Variants in NDEL1 observed in about 807,000 individuals in gnomAD.
The protein encoded by NDEL1 is nudE neurodevelopment protein 1 like 1.
A neutral mutation model predicts 45.7 loss-of-function variants in NDEL1; 9 were observed. The observed-to-expected ratio is 0.20, with a 90% CI of 0.12 to 0.34. The LOEUF is 0.34. Among genes scored for constraint, NDEL1 ranks in the 10% least tolerant of loss-of-function variants. NDEL1 has a pLI of 1.00. For synonymous variants in NDEL1, 133 were observed against 158.6 expected (o/e 0.84, Z 1.21); for missense variants, 306 against 406.2 (o/e 0.75, Z 2.12).
At chr17:8,428,451 G>T (rs111828237) in intron 1 of NDEL1, among the ~76,000 whole-genome samples, 2 of 144,836 alleles carry the variant, frequency 1.4e-5, no homozygotes, top group Non-Finnish European at 1.5e-5. Context: ...TGCAACCTCC[G>T]CCTCCCAGGT....
At chr17:8,462,773 ATTGT>A (rs954559472) in intron 8 of NDEL1, 5 of 152,272 alleles carry the variant, frequency 3.3e-5, no homozygotes, top group Non-Finnish European at 5.9e-5. Flanking sequence ...CTGCGGCAGG[ATTGT>A]TTGGGGGAGA....
intron 1 of NDEL1, among the ~76,000 whole-genome samples, chr17:8,427,526 C>A (rs1047672535): frequency 6.6e-6 from 1 of 152,086 alleles, no homozygotes; most frequent in African/African-American, 2.4e-5. Context: ...CATGGTGACA[C>A]CCCGTCTCTA....
upstream of NDEL1, among the ~76,000 whole-genome samples, chr17:8,432,374 A>ATAT (rs1296941391): frequency 3.0e-5 from 2 of 66,684 alleles, no homozygotes; most frequent in Non-Finnish European, 6.6e-5. Flanking sequence ...ATATATATTT[A>ATAT]ATGGCAGGCC....
intron 7 of NDEL1, among the ~76,000 whole-genome samples, chr17:8,456,432 CT>C (rs1297299487): frequency 1.4e-5 from 2 of 141,334 alleles, no homozygotes; most frequent in East Asian, 4.1e-4. Flanking sequence ...ATTTTTTGTT[CT>C]TTTAAAAAAA....
intron 8 of NDEL1, among the ~76,000 whole-genome samples, chr17:8,460,963 C>T (rs528789691): frequency 6.7e-4 from 102 of 152,154 alleles, no homozygotes; most frequent in African/African-American, 2.4e-3. Context: ...CATGGTAATA[C>T]GTGGTTGTAT....
intron 1 of NDEL1, among the ~76,000 whole-genome samples, chr17:8,441,396 C>T (rs1371348006): frequency 6.6e-6 from 1 of 152,098 alleles, no homozygotes; most frequent in East Asian, 1.9e-4. Context: ...TGGAACCTTC[C>T]AAGAGAGCAG....
chr17:8,469,514 C>T (rs543134741), downstream of NDEL1, among the ~76,000 whole-genome samples: 76 of 152,244 alleles, frequency 5.0e-4, no homozygotes, highest in African/African-American at 1.8e-3. Context: ...CAGGGGCCCA[C>T]GTGTCATCCA....
chr17:8,444,309 A>G lies in NDEL1; in HGVS notation c.38A>G (p.Lys13Arg), dbSNP rs1909942653. The G allele has an allele frequency of 6.2e-7, 1 of 1,613,600 alleles. No individual in the cohort carries two copies. The highest frequency in any genetic ancestry group is 1.7e-5 in the Admixed American group (1 of 59,972). The part of the protein sequence containing the change: ...GEDIPDFSSL[K>R]EETAYWKELS... ...GATATACCAGATTTTTCAAGTTTAA[A>G]GGAGGAAACTGCTTATTGGAAGGAA... Residue 13 changes from lysine (K) to arginine (R), a missense_variant, in exon 2 of 9, where the codon AAG (lysine) becomes AGG (arginine). Physicochemically the swap from Lys to Arg is conservative, Grantham distance 26. This residue lies in a region of NDEL1 where 112 missense variants were observed against 148.3 expected (regional missense o/e 0.76). Transcript: ENST00000334527.
chr17:8,435,913 C>T lies in NDEL1; in HGVS notation c.-145C>T. 2.2e-6 allele frequency: 1 copy of T among 447,326 alleles called. No homozygotes were observed. The highest frequency in any genetic ancestry group is 4.5e-6 in the Non-Finnish European group (1 of 222,922). 27.7% of individuals were successfully genotyped at this position (447,326 alleles called of 1,614,324 possible). ...CCTGACGTGTCGGGGAGGAGCCGGG[C>T]GCGGAGGTACGCTGAGTGGAGCTCG... On this transcript the variant is annotated 5_prime_UTR_variant, in exon 1 of 9. Coordinates refer to ENST00000334527, the MANE Select transcript of NDEL1 (RefSeq NM_030808.5).
upstream of NDEL1, among the ~76,000 whole-genome samples, chr17:8,433,528 T>A (rs1909070451): frequency 6.6e-6 from 1 of 152,246 alleles, no homozygotes; most frequent in Admixed American, 6.5e-5. Context: ...GGCTTCACCA[T>A]AAATTTAGTA....
At chr17:8,442,883 G>C (rs1024558959) in intron 1 of NDEL1, among the ~76,000 whole-genome samples, 1 of 151,006 alleles carries the variant, frequency 6.6e-6, no homozygotes, top group South Asian at 2.1e-4. Flanking sequence ...TCCGCCTCCC[G>C]GGTTCACACC....
chr17:8,449,544 T>C (rs1910326767), intron 5 of NDEL1, among the ~76,000 whole-genome samples: 1 of 152,232 alleles, frequency 6.6e-6, no homozygotes, highest in Non-Finnish European at 1.5e-5. Flanking sequence ...TATTGAATAG[T>C]GACTACCCAT....
intron 1 of NDEL1, 168 bp downstream of exon 1, chr17:8,436,213 C>T (rs1909325790): frequency 8.8e-6 from 2 of 226,050 alleles, no homozygotes; most frequent in Non-Finnish European, 8.9e-6. Flanking sequence ...TCCAACCGCT[C>T]TAACTGTCCC....
intron 1 of NDEL1, among the ~76,000 whole-genome samples, chr17:8,415,217 T>C (rs1567717840): frequency 1.3e-5 from 2 of 151,600 alleles, no homozygotes; most frequent in Admixed American, 1.3e-4. Context: ...CTTGCTCTGT[T>C]GCCCAGGCTG....
intron 8 of NDEL1, 69 bp downstream of exon 8, chr17:8,460,229 T>C (rs1911112994): frequency 1.3e-6 from 2 of 1,511,284 alleles, no homozygotes; most frequent in East Asian, 4.7e-5. Context: ...GTGAGCATAA[T>C]GAAGCCTTGA....
At chr17:8,430,601 A>G (rs1468915851) in intron 1 of NDEL1, among the ~76,000 whole-genome samples, 1 of 152,058 alleles carries the variant, frequency 6.6e-6, no homozygotes, top group Non-Finnish European at 1.5e-5. Flanking sequence ...AGATGTTGGG[A>G]TCCTCATGCA....
chr17:8,430,429 A>G (rs567771866), intron 1 of NDEL1, among the ~76,000 whole-genome samples: 1 of 152,246 alleles, frequency 6.6e-6, no homozygotes, highest in South Asian at 2.1e-4. Context: ...TGCATTACAT[A>G]TCACCTTCTG....
intron 1 of NDEL1, among the ~76,000 whole-genome samples, chr17:8,419,406 T>C (rs1375884900): frequency 1.3e-5 from 2 of 152,220 alleles, no homozygotes; most frequent in African/African-American, 4.8e-5. Flanking sequence ...GAGCATATAC[T>C]TATAAAAAGA....
intron 4 of NDEL1, among the ~76,000 whole-genome samples, chr17:8,447,169 G>T (rs1394300301): frequency 6.6e-6 from 1 of 152,140 alleles, no homozygotes; most frequent in Non-Finnish European, 1.5e-5. Context: ...TTGAGACAGG[G>T]TCTCACATTG....
Sources: allele counts gnomAD v4.1 joint callset (sites outside exome capture counted in the v4.1 genomes callset), GRCh38; gene constraint gnomAD v4.1.1; regional missense constraint gnomAD v4.1.1; transcripts MANE v1.5; gene names NCBI Gene and HGNC (gene_info 2026-07-23, HGNC 2026-07-21).